The following ADAMTS16 variants were observed in gnomAD, a reference collection of about 807,000 sequenced individuals.
The protein encoded by ADAMTS16 is A disintegrin and metalloproteinase with thrombospondin motifs 16.
In ADAMTS16, 94 loss-of-function variants were observed where a neutral mutation model predicts 145.8. That is an observed-to-expected ratio of 0.64 (90% CI 0.55 to 0.77). The LOEUF is 0.77. Ranked by LOEUF, ADAMTS16 falls within the 30% of genes least tolerant of loss-of-function variation. ADAMTS16 has a pLI of 0.00. For synonymous variants in ADAMTS16, 659 were observed against 604.3 expected (o/e 1.09, Z -1.33); for missense variants, 1,585 against 1,591.5 (o/e 1.00, Z 0.07).
chr5:5,305,503 C>T (rs1165490038), intron 20 of ADAMTS16, among the ~76,000 whole-genome samples: 6 of 150,736 alleles, frequency 4.0e-5, no homozygotes, highest in African/African-American at 1.5e-4. Flanking sequence ...CCACACCACA[C>T]ACACATCCCA....
At chr5:5,198,522 GT>G (rs918288652) in intron 8 of ADAMTS16, among the ~76,000 whole-genome samples, 7 of 152,094 alleles carry the variant, frequency 4.6e-5, no homozygotes, top group African/African-American at 1.7e-4. Flanking sequence ...AAGTGTCAAG[GT>G]TTCAGCCTTG....
chr5:5,194,799 A>G (rs541416873), intron 8 of ADAMTS16, among the ~76,000 whole-genome samples: 2 of 152,334 alleles, frequency 1.3e-5, no homozygotes, highest in East Asian at 3.9e-4. Context: ...AAGCAGAGTC[A>G]AATTTTTGAG....
intron 17 of ADAMTS16, among the ~76,000 whole-genome samples, chr5:5,248,506 G>C (rs1737525960): frequency 6.6e-6 from 1 of 152,146 alleles, no homozygotes; most frequent in Admixed American, 6.5e-5. Flanking sequence ...TATTAATATA[G>C]ATCATTTAGA....
intron 3 of ADAMTS16, among the ~76,000 whole-genome samples, chr5:5,157,695 C>T (rs1734635048): frequency 6.6e-6 from 1 of 152,178 alleles, no homozygotes; most frequent in Non-Finnish European, 1.5e-5. Flanking sequence ...ACCCTAGGGT[C>T]CTTTATTCTT....
chr5:5,212,859 T>C (rs1736316296), intron 10 of ADAMTS16, among the ~76,000 whole-genome samples: 1 of 152,244 alleles, frequency 6.6e-6, no homozygotes, highest in African/African-American at 2.4e-5. Context: ...ATTTTGTTTC[T>C]CTGTTCCCTT....
chr5:5,195,676 T>A (rs1008179089), intron 8 of ADAMTS16, among the ~76,000 whole-genome samples: 1 of 152,176 alleles, frequency 6.6e-6, no homozygotes, highest in Non-Finnish European at 1.5e-5. Context: ...AAAACAAATA[T>A]ATTAACTGTG....
chr5:5,294,839 C>T (rs1398112733), intron 18 of ADAMTS16, among the ~76,000 whole-genome samples: 1 of 152,106 alleles, frequency 6.6e-6, no homozygotes, highest in African/African-American at 2.4e-5. Context: ...GAAGAGGGTG[C>T]AAAGATGGGG....
chr5:5,198,041 T>A (rs1034891574), intron 8 of ADAMTS16, among the ~76,000 whole-genome samples: 1 of 152,184 alleles, frequency 6.6e-6, no homozygotes, highest in Non-Finnish European at 1.5e-5. Context: ...GAAAATACTT[T>A]AAATGTAAAA....
chr5:5,222,646 T>C, intron 10 of ADAMTS16, 143 bp from the exon 11 acceptor site: 2 of 653,804 alleles, frequency 3.1e-6, no homozygotes, highest in Non-Finnish European at 5.4e-6. Context: ...CCTTACTCTA[T>C]TATATGCTAT....
intron 18 of ADAMTS16, among the ~76,000 whole-genome samples, chr5:5,296,910 C>G (rs1466900547): frequency 6.6e-6 from 1 of 152,152 alleles, no homozygotes; most frequent in Non-Finnish European, 1.5e-5. Flanking sequence ...GTAGTAGAAA[C>G]CGTTGGCTCA....
chr5:5,185,996 C>T (rs547705945), intron 4 of ADAMTS16, 56 bp from the exon 5 acceptor site: 49 of 1,478,038 alleles, frequency 3.3e-5, no homozygotes, highest in Non-Finnish European at 4.3e-5. Context: ...CGAGTTACGG[C>T]CCTGATTTTG....
At chr5:5,221,587 T>C (rs1736607662) in intron 10 of ADAMTS16, among the ~76,000 whole-genome samples, 1 of 152,220 alleles carries the variant, frequency 6.6e-6, no homozygotes, top group Non-Finnish European at 1.5e-5. Context: ...ATTAAAACAC[T>C]GAACGTTTAC....
In ADAMTS16 at chr5:5,224,514, C is replaced by T. The variant is rs1363800954; in HGVS notation, c.1701+1630C>T. ...CATGTTGGTCAGGCTGGTCTCAAAC[C>T]CCTTGACCTCGTGATCCACCTGCCT... On this transcript the variant is annotated intron_variant, in intron 11 of 22. Coordinates refer to ENST00000274181, the MANE Select transcript of ADAMTS16 (RefSeq NM_139056.4). 4.6e-5 allele frequency among the ~76,000 whole-genome samples: 7 copies of T among 152,174 alleles called. No individual in the cohort carries two copies. The East Asian group carries it at 9.7e-4, about 21-fold the overall frequency.
intron 3 of ADAMTS16, among the ~76,000 whole-genome samples, chr5:5,166,724 C>T (rs1213417162): frequency 6.6e-6 from 1 of 152,162 alleles, no homozygotes. Context: ...TTGAGCTGTC[C>T]CTTCCATAGG....
At chr5:5,169,036 G>T (rs911685147) in intron 3 of ADAMTS16, among the ~76,000 whole-genome samples, 2 of 151,822 alleles carry the variant, frequency 1.3e-5, no homozygotes, top group Non-Finnish European at 2.9e-5. Context: ...TGGCATGGGG[G>T]CTAGATGTTT....
chr5:5,168,657 T>TA (rs1734958897), intron 3 of ADAMTS16, among the ~76,000 whole-genome samples: 1 of 113,348 alleles, frequency 8.8e-6, no homozygotes, highest in Admixed American at 1.2e-4. Flanking sequence ...TATTTATATA[T>TA]TATATTTATA....
At chr5:5,232,675 C>A (rs949992822) in intron 12 of ADAMTS16, among the ~76,000 whole-genome samples, 159 bp downstream of exon 12, 1 of 144,802 alleles carries the variant, frequency 6.9e-6, no homozygotes, top group African/African-American at 2.6e-5. Flanking sequence ...GTGATCTTGG[C>A]TCACTGCAAC....
intron 18 of ADAMTS16, among the ~76,000 whole-genome samples, chr5:5,265,055 G>A (rs2126438121): frequency 6.6e-6 from 1 of 152,284 alleles, no homozygotes; most frequent in African/African-American, 2.4e-5. Context: ...TGCCTGGAAT[G>A]ACACACCAAA....
chr5:5,146,058 A>T, intron 2 of ADAMTS16, 72 bp from the exon 3 acceptor site: 2 of 1,324,344 alleles, frequency 1.5e-6, no homozygotes, highest in Admixed American at 2.1e-5. Context: ...AAATAATATT[A>T]TATCTTAAGA....
Sources: allele counts gnomAD v4.1 joint callset (sites outside exome capture counted in the v4.1 genomes callset), GRCh38; gene constraint gnomAD v4.1.1; transcripts MANE v1.5; gene names NCBI Gene and HGNC (gene_info 2026-07-23, HGNC 2026-07-21).